The following MTMR8 variants were observed in gnomAD, a reference collection of about 807,000 sequenced individuals.
MTMR8 encodes myotubularin related protein 8.
MTMR8 carries 65 observed loss-of-function variants against 39.3 expected under a neutral mutation model. The observed-to-expected ratio is 1.65, with a 90% CI of 1.35 to 2.03. The LOEUF is 2.03. MTMR8 is among the 30% of genes most tolerant of loss of function. The probability of loss-of-function intolerance (pLI) is 0.00; values close to 1 mark genes in which losing one functional copy is unlikely to be tolerated. For missense variants in MTMR8, 777 were observed against 538.9 expected (o/e 1.44, Z -4.37); for synonymous variants, 245 against 185.2 (o/e 1.32, Z -2.62).
chrX:64,310,874 C>T (rs1221228954), intron 12 of MTMR8, among the ~76,000 whole-genome samples: 1 of 112,032 alleles, frequency 8.9e-6, no homozygotes, highest in Non-Finnish European at 1.9e-5. Flanking sequence ...TGTATATGTG[C>T]CACATTTCCT....
intron 1 of MTMR8, among the ~76,000 whole-genome samples, chrX:64,392,809 T>C (rs915593908): frequency 3.6e-5 from 4 of 111,635 alleles, no homozygotes; most frequent in African/African-American, 1.3e-4. Context: ...ACACAACTAA[T>C]GACTGACAAA....
intron 12 of MTMR8, among the ~76,000 whole-genome samples, chrX:64,285,765 C>A (rs1260487207): frequency 9.0e-6 from 1 of 111,384 alleles, no homozygotes; most frequent in Non-Finnish European, 1.9e-5. Context: ...TGAAGATGTT[C>A]TTTGAAACCA....
chrX:64,299,365 G>A (rs1205977996), intron 12 of MTMR8, among the ~76,000 whole-genome samples: 10 of 102,118 alleles, frequency 9.8e-5, no homozygotes, highest in South Asian at 4.7e-4. Context: ...GTTTATTTGC[G>A]TAGAGGTGTT....
intron 1 of MTMR8, among the ~76,000 whole-genome samples, chrX:64,392,619 T>TA (rs1423898767): frequency 9.9e-4 from 110 of 111,367 alleles, no homozygotes; most frequent in Admixed American, 2.7e-3. Context: ...TTGTTTTTTT[T>TA]AATCTCAGTA....
At chrX:64,293,996 G>C (rs972534646) in intron 12 of MTMR8, among the ~76,000 whole-genome samples, 15 of 111,515 alleles carry the variant, frequency 1.3e-4, no homozygotes, top group Non-Finnish European at 2.5e-4. Context: ...CCCTACCAGG[G>C]CAGGTGGTAA....
intron 1 of MTMR8, among the ~76,000 whole-genome samples, chrX:64,367,405 T>C (rs1923999833): frequency 8.9e-6 from 1 of 111,771 alleles, no homozygotes; most frequent in East Asian, 2.8e-4. Context: ...AAAAACCTTA[T>C]CCACCATGAT....
chrX:64,394,260 G>A (rs753961354), intron 1 of MTMR8, among the ~76,000 whole-genome samples: 1 of 111,864 alleles, frequency 8.9e-6, no homozygotes, highest in Admixed American at 9.5e-5. Context: ...CCCACAACAC[G>A]TGAGAATTAC....
At chrX:64,308,554 G>T (rs1028720971) in intron 12 of MTMR8, among the ~76,000 whole-genome samples, 1 of 109,485 alleles carries the variant, frequency 9.1e-6, no homozygotes, top group African/African-American at 3.3e-5. Flanking sequence ...ATCTATTATA[G>T]TTATACCTAT....
chrX:64,288,400 A>G (rs745836784), intron 12 of MTMR8, among the ~76,000 whole-genome samples: 1 of 111,463 alleles, frequency 9.0e-6, no homozygotes, highest in Admixed American at 9.6e-5. Flanking sequence ...AGAAATAGGA[A>G]CACTTTTACT....
At chrX:64,320,594 G>A (rs1275207313) in intron 12 of MTMR8, among the ~76,000 whole-genome samples, 2 of 109,355 alleles carry the variant, frequency 1.8e-5, no homozygotes, top group Non-Finnish European at 3.8e-5. Flanking sequence ...AGCCAACTGA[G>A]GCAAGGGATA....
At chrX:64,390,118 T>C (rs957898164) in intron 1 of MTMR8, among the ~76,000 whole-genome samples, 7 of 111,994 alleles carry the variant, frequency 6.3e-5, no homozygotes, top group African/African-American at 1.9e-4. Context: ...AAGACAGATC[T>C]ACAAATAGGT....
chrX:64,359,673 T>A (rs1923726027), intron 1 of MTMR8, 146 bp from the exon 2 acceptor site: 2 of 503,270 alleles, frequency 4.0e-6, no homozygotes, highest in Non-Finnish European at 6.2e-6. Context: ...ACTACTATGA[T>A]CTGTATTACC....
At chrX:64,299,789 T>C (rs2147199114) in intron 12 of MTMR8, among the ~76,000 whole-genome samples, 1 of 101,113 alleles carries the variant, frequency 9.9e-6, no homozygotes, top group Non-Finnish European at 2.0e-5. Flanking sequence ...GTCTTTGTTC[T>C]CGTTGGTTTC....
chrX:64,290,455 A>T (rs1262688281), intron 12 of MTMR8, among the ~76,000 whole-genome samples: 2 of 110,764 alleles, frequency 1.8e-5, no homozygotes, highest in African/African-American at 6.6e-5. Flanking sequence ...TAAAAAAAAG[A>T]AATAATAGCG....
chrX:64,383,820 C>G (rs183705153), intron 1 of MTMR8, among the ~76,000 whole-genome samples: 35 of 111,130 alleles, frequency 3.1e-4, no homozygotes, highest in Admixed American at 1.4e-3. Flanking sequence ...AGGGACAGAA[C>G]CAAACCATAT....
chrX:64,370,112 A>G (rs1449082178), intron 1 of MTMR8, among the ~76,000 whole-genome samples: 1 of 111,470 alleles, frequency 9.0e-6, no homozygotes, highest in Admixed American at 9.6e-5. Context: ...TCATGGACCA[A>G]TGATGATAAG....
chrX:64,304,195 G>A (rs1302367090), intron 12 of MTMR8, among the ~76,000 whole-genome samples: 1 of 112,125 alleles, frequency 8.9e-6, no homozygotes, highest in Non-Finnish European at 1.9e-5. Flanking sequence ...AGGAAAAGGG[G>A]TAAGGGGAAA....
In MTMR8 at chrX:64,380,929, A is replaced by AT. The variant is rs758621124; in HGVS notation, c.24+14410dup. On this transcript the variant is annotated intron_variant, in intron 1 of 13. Coordinates refer to ENST00000374852, the MANE Select transcript of MTMR8 (RefSeq NM_017677.4). ...ACCCTACAAAGGACATGAACTCATC[A>AT]TTTTTTAGGGCTGCGTAGTATTCCA... 3.2e-4 allele frequency among the ~76,000 whole-genome samples: 36 copies of AT among 111,864 alleles called. No individual in the cohort carries two copies. In the East Asian group the frequency reaches 6.5e-3, roughly 20 times the overall value.
intron 12 of MTMR8, among the ~76,000 whole-genome samples, chrX:64,274,446 G>A (rs1448595633): frequency 1.8e-5 from 2 of 112,222 alleles, no homozygotes; most frequent in Non-Finnish European, 3.8e-5. Flanking sequence ...GTAGGATGCA[G>A]CAAAGGCAGT....
Sources: gnomAD v4.1 joint callset for allele counts (sites outside exome capture counted in the v4.1 genomes callset) on GRCh38, gnomAD v4.1.1 for gene constraint, MANE v1.5 for transcripts, NCBI Gene and HGNC (gene_info 2026-07-23, HGNC 2026-07-21) for gene names.